The following KIFAP3 variants were observed in gnomAD, a reference collection of about 807,000 sequenced individuals.
The protein encoded by KIFAP3 is kinesin associated protein 3.
Under a neutral mutation model 106.5 loss-of-function variants are expected in KIFAP3, and 68 were observed. The observed-to-expected ratio is 0.64, with a 90% CI of 0.53 to 0.78. The LOEUF is 0.78. Ranked by LOEUF, KIFAP3 falls within the 30% of genes least tolerant of loss-of-function variation. The probability of loss-of-function intolerance (pLI) is 0.00; values close to 1 mark genes in which losing one functional copy is unlikely to be tolerated. For synonymous variants in KIFAP3, 320 were observed against 311.5 expected, an observed-to-expected ratio of 1.03 and a Z score of -0.29; for missense variants, 780 against 941.8, an observed-to-expected ratio of 0.83 and a Z score of 2.25.
At chr1:170,049,695 G>A (rs930273181) in intron 2 of KIFAP3, among the ~76,000 whole-genome samples, 1 of 152,218 alleles carries the variant, frequency 6.6e-6, no homozygotes, top group African/African-American at 2.4e-5. Flanking sequence ...CCAGGAGGAC[G>A]GGGTCTGGAG....
At chr1:170,030,462 A>T (rs1452742481) in intron 8 of KIFAP3, among the ~76,000 whole-genome samples, 1 of 151,900 alleles carries the variant, frequency 6.6e-6, no homozygotes, top group African/African-American at 2.4e-5. Context: ...TGACTCAGCC[A>T]TTCCATCATT....
intron 19 of KIFAP3, among the ~76,000 whole-genome samples, chr1:169,941,426 T>C (rs1462699859): frequency 6.6e-6 from 1 of 152,152 alleles, no homozygotes; most frequent in Non-Finnish European, 1.5e-5. Flanking sequence ...CTCAATACAC[T>C]TTTGGTTATT....
At chr1:169,982,929 A>C (rs1666606254) in intron 13 of KIFAP3, 62 bp from the exon 14 acceptor site, 14 of 909,452 alleles carry the variant, frequency 1.5e-5, no homozygotes, top group Non-Finnish European at 2.0e-5. Context: ...AATAACCCAC[A>C]GGAATCTAAC....
chr1:169,944,924 C>T (rs1167304682), intron 19 of KIFAP3, among the ~76,000 whole-genome samples: 1 of 152,168 alleles, frequency 6.6e-6, no homozygotes, highest in East Asian at 1.9e-4. Flanking sequence ...GAGACTCCAC[C>T]TGGAACCGGC....
At chr1:169,951,608 CT>C (rs1222389598) in intron 19 of KIFAP3, among the ~76,000 whole-genome samples, 1 of 151,850 alleles carries the variant, frequency 6.6e-6, no homozygotes, top group Non-Finnish European at 1.5e-5. Context: ...ACATTTATCT[CT>C]CTCAAAACTT....
chr1:169,983,404 A>G (rs761681051), intron 12 of KIFAP3, 22 bp from the exon 13 acceptor site: 8 of 1,504,008 alleles, frequency 5.3e-6, no homozygotes, highest in South Asian at 4.7e-5. Flanking sequence ...AAGTCCCCCA[A>G]TAAAATTAAG....
At chr1:170,014,664 A>G (rs1325646517) in intron 10 of KIFAP3, among the ~76,000 whole-genome samples, 1 of 152,202 alleles carries the variant, frequency 6.6e-6, no homozygotes, top group Non-Finnish European at 1.5e-5. Flanking sequence ...ACTGAAATAA[A>G]TTGAAATGCA....
chr1:170,041,826 C>T, intron 3 of KIFAP3: 1 of 1,476,890 alleles, frequency 6.8e-7, no homozygotes, highest in Non-Finnish European at 9.0e-7. Flanking sequence ...AGAAGTCCTG[C>T]TGACCCTTCC....
rs77673265 is a variant in KIFAP3, at chr1:170,030,673, A to G, written c.841+1213T>C. Reference sequence around the variant, plus strand: ...TATGGATGAATCTTTAATTATGCTGAGTAAAAGACAAAAATGCATACATAC... The same window carrying G: ...TATGGATGAATCTTTAATTATGCTGGGTAAAAGACAAAAATGCATACATAC... On this transcript the variant is annotated intron_variant, in intron 8 of 19. Coordinates refer to ENST00000361580, the MANE Select transcript of KIFAP3 (RefSeq NM_014970.4). 5.7e-3 allele frequency among the ~76,000 whole-genome samples: 860 copies of G among 152,012 alleles called. 9 individuals are homozygous for G. The highest frequency in any genetic ancestry group is 0.019 in the African/African-American group (785 of 41,576).
At chr1:169,943,934 G>A (rs186817722) in intron 19 of KIFAP3, among the ~76,000 whole-genome samples, 2 of 152,216 alleles carry the variant, frequency 1.3e-5, no homozygotes, top group Admixed American at 6.5e-5. Flanking sequence ...AGTCATATTC[G>A]GGTTACGTTT....
chr1:169,936,907 T>G (rs1663836998), intron 19 of KIFAP3, among the ~76,000 whole-genome samples: 1 of 150,528 alleles, frequency 6.6e-6, no homozygotes, highest in Admixed American at 6.6e-5. Flanking sequence ...CTATTTACAC[T>G]AGAATAAACA....
chr1:170,032,074 T>A (rs1409542198), intron 7 of KIFAP3, 90 bp from the exon 8 acceptor site: 2 of 710,434 alleles, frequency 2.8e-6, no homozygotes, highest in Non-Finnish European at 2.5e-6. Flanking sequence ...TTAAATTTTA[T>A]GTGCAACTTT....
intron 19 of KIFAP3, among the ~76,000 whole-genome samples, chr1:169,945,688 C>A (rs1470366750): frequency 6.6e-6 from 1 of 152,306 alleles, no homozygotes; most frequent in Admixed American, 6.5e-5. Flanking sequence ...TCTGTCACAA[C>A]TTCTCTTGTT....
At chr1:170,070,592 T>C (rs1671657749) in intron 1 of KIFAP3, among the ~76,000 whole-genome samples, 2 of 152,100 alleles carry the variant, frequency 1.3e-5, no homozygotes, top group African/African-American at 2.4e-5. Context: ...TGACAAATGA[T>C]GTCAGAACAA....
chr1:169,949,082 T>A (rs948726674), intron 19 of KIFAP3, among the ~76,000 whole-genome samples: 42 of 151,982 alleles, frequency 2.8e-4, no homozygotes, highest in African/African-American at 9.4e-4. Flanking sequence ...AAGAAATAAT[T>A]TTTTAGTTCT....
intron 19 of KIFAP3, among the ~76,000 whole-genome samples, chr1:169,925,228 G>C (rs574717572): frequency 6.6e-6 from 1 of 151,608 alleles, no homozygotes; most frequent in Admixed American, 6.6e-5. Context: ...TTTTTCCTTC[G>C]TATTCAGATA....
intron 9 of KIFAP3, among the ~76,000 whole-genome samples, chr1:170,022,930 T>C (rs542410817): frequency 1.3e-5 from 2 of 152,226 alleles, no homozygotes; most frequent in East Asian, 1.9e-4. Flanking sequence ...ATAATAGATA[T>C]ATGCTGATAC....
chr1:169,986,588 C>T (rs1397232466), intron 11 of KIFAP3, among the ~76,000 whole-genome samples: 1 of 151,948 alleles, frequency 6.6e-6, no homozygotes, highest in Non-Finnish European at 1.5e-5. Context: ...TAACAGATTT[C>T]ACTACCTATC....
At chr1:169,963,714 GAACTCCTGACCTCA>G (rs1665459012) in intron 17 of KIFAP3, among the ~76,000 whole-genome samples, 1 of 152,034 alleles carries the variant, frequency 6.6e-6, no homozygotes, top group Non-Finnish European at 1.5e-5. Flanking sequence ...GGCTGGTCTT[GAACTCCTGACCTCA>G]GGTAATCTGC....
Sources: gnomAD v4.1 joint callset for allele counts (sites outside exome capture counted in the v4.1 genomes callset) on GRCh38, gnomAD v4.1.1 for gene constraint, MANE v1.5 for transcripts, NCBI Gene and HGNC (gene_info 2026-07-23, HGNC 2026-07-21) for gene names.